CPED1: variants seen among roughly 807,000 people sequenced by gnomAD.
CPED1 encodes cadherin-like and PC-esterase domain-containing protein 1.
CPED1 carries 114 observed loss-of-function variants against 128.2 expected under a neutral mutation model. The ratio of observed to expected loss-of-function variants is 0.89; its 90% CI spans 0.76 to 1.04. The LOEUF (loss-of-function observed/expected upper bound fraction) is 1.04, where lower values mean the gene tolerates loss of function less well. Among genes scored for constraint, CPED1 ranks in the 50% least tolerant of loss-of-function variants. The pLI is 0.00. For synonymous variants in CPED1, 462 were observed against 426.7 expected (o/e 1.08, Z -1.02); for missense variants, 1,211 against 1,207.1 (o/e 1.00, Z -0.05).
At chr7:121,042,436 T>A (rs1247638265) in intron 3 of CPED1, among the ~76,000 whole-genome samples, 3 of 152,168 alleles carry the variant, frequency 2.0e-5, no homozygotes, top group Non-Finnish European at 4.4e-5. Flanking sequence ...GTCTGTTTCC[T>A]CACTTGTAAA....
chr7:121,284,914 C>T (rs1010711672), intron 22 of CPED1, among the ~76,000 whole-genome samples: 1 of 152,186 alleles, frequency 6.6e-6, no homozygotes, highest in Non-Finnish European at 1.5e-5. Flanking sequence ...CAGCTTCATT[C>T]AGCAGTGCCC....
chr7:121,055,069 A>G (rs1474986775), intron 4 of CPED1, among the ~76,000 whole-genome samples: 1 of 152,144 alleles, frequency 6.6e-6, no homozygotes, highest in African/African-American at 2.4e-5. Flanking sequence ...ATTCAATTTT[A>G]TGGATGTACC....
At chr7:121,056,945 A>G (rs1793512991) in intron 4 of CPED1, among the ~76,000 whole-genome samples, 1 of 151,672 alleles carries the variant, frequency 6.6e-6, no homozygotes, top group Non-Finnish European at 1.5e-5. Context: ...TCTTCTCGTT[A>G]TTTGAAATAT....
intron 14 of CPED1, among the ~76,000 whole-genome samples, chr7:121,139,870 TA>T (rs1326560132): frequency 6.6e-6 from 1 of 152,148 alleles, no homozygotes; most frequent in Admixed American, 6.6e-5. Context: ...CTGAACATTT[TA>T]TGTAAGGCAA....
chr7:121,046,820 G>T (rs951066177), intron 3 of CPED1, 67 bp from the exon 4 acceptor site: 4 of 995,128 alleles, frequency 4.0e-6, no homozygotes, highest in Non-Finnish European at 6.0e-6. Flanking sequence ...TTAATCTGAA[G>T]AATTAAATAT....
At position 121,142,128 on chromosome 7, in the gene CPED1, G is replaced by A; in HGVS notation, c.2042G>A (p.Cys681Tyr). The change falls in exon 16 of 23, where the codon TGT becomes TAT. Residue 681 changes from cysteine (C) to tyrosine (Y), a missense_variant. Cys to Tyr is a radical substitution (Grantham distance 194). Coordinates refer to ENST00000310396, the MANE Select transcript of CPED1 (RefSeq NM_024913.5). ...CCCTTGTTTGAGGCCTTCACAGCAT[G>A]TGGTTTTGTGCAGGTAAGTGAAGTT... ...SLPLFEAFTA[C>Y]GFVQDCGLLI... 1 of 1,610,394 alleles carries A rather than the reference G, an allele frequency of 6.2e-7. No individual in the cohort carries two copies. The highest frequency in any genetic ancestry group is 8.5e-7 in the Non-Finnish European group (1 of 1,177,462).
intron 3 of CPED1, among the ~76,000 whole-genome samples, chr7:121,021,579 A>G (rs1030717456): frequency 6.6e-6 from 1 of 152,026 alleles, no homozygotes; most frequent in Non-Finnish European, 1.5e-5. Flanking sequence ...CTTAACCACA[A>G]TAATAACTTT....
At chr7:121,076,168 G>A (rs1252222547) in intron 5 of CPED1, among the ~76,000 whole-genome samples, 1 of 152,178 alleles carries the variant, frequency 6.6e-6, no homozygotes, top group Non-Finnish European at 1.5e-5. Context: ...TTATCAGAGA[G>A]TTTTGGCAAT....
chr7:121,237,068 G>T (rs1798276468), intron 17 of CPED1, among the ~76,000 whole-genome samples: 1 of 152,068 alleles, frequency 6.6e-6, no homozygotes, highest in African/African-American at 2.4e-5. Context: ...CTGCAGATAT[G>T]TTACCCATGT....
intron 16 of CPED1, among the ~76,000 whole-genome samples, chr7:121,211,299 A>C (rs1584600496): frequency 6.6e-6 from 1 of 152,102 alleles, no homozygotes; most frequent in Non-Finnish European, 1.5e-5. Flanking sequence ...ATTAAAAGGA[A>C]CACCTGGGGC....
intron 6 of CPED1, 130 bp downstream of exon 6, chr7:121,097,961 C>T: frequency 1.1e-6 from 1 of 883,734 alleles, no homozygotes; most frequent in Non-Finnish European, 1.6e-6. Context: ...AAATTTTCAG[C>T]TATCCTTTTT....
chr7:121,114,387 A>G (rs1584521070), intron 7 of CPED1, among the ~76,000 whole-genome samples: 1 of 152,198 alleles, frequency 6.6e-6, no homozygotes, highest in African/African-American at 2.4e-5. Flanking sequence ...GCTACCTTCA[A>G]GTTTGTCCCT....
chr7:121,235,107 T>C (rs1233526811), intron 16 of CPED1, among the ~76,000 whole-genome samples: 2 of 152,058 alleles, frequency 1.3e-5, no homozygotes, highest in Non-Finnish European at 2.9e-5. Context: ...TAAAAATATT[T>C]TTGCAAAATG....
rs369587229 is a variant in CPED1 at position 121,109,527 on chromosome 7, A to G, written c.918+9433A>G. 3.3e-5 allele frequency among the ~76,000 whole-genome samples: 5 copies of G among 152,262 alleles called. 1 individual carries two copies. The highest frequency in any genetic ancestry group is 1.9e-4 in the East Asian group (1 of 5,186). ...ATATATATCCGTATTCATATGCACT[A>G]TGTTTCCCCTCTACATCAGCTTCTT... On this transcript the variant is annotated intron_variant, in intron 7 of 22. Transcript: ENST00000310396.
chr7:121,293,918 C>T (rs1347584625), intron 22 of CPED1, among the ~76,000 whole-genome samples: 3 of 152,046 alleles, frequency 2.0e-5, no homozygotes, highest in African/African-American at 7.2e-5. Flanking sequence ...GCCTTGTTCT[C>T]GCTGTGAGCT....
intron 7 of CPED1, 48 bp from the exon 8 acceptor site, chr7:121,124,283 A>G: frequency 6.5e-7 from 1 of 1,534,196 alleles, no homozygotes; most frequent in Non-Finnish European, 8.8e-7. Flanking sequence ...AATGATAGAC[A>G]AACTGAGGCT....
At chr7:121,217,651 A>G (rs536215100) in intron 16 of CPED1, among the ~76,000 whole-genome samples, 6 of 152,132 alleles carry the variant, frequency 3.9e-5, no homozygotes, top group African/African-American at 1.4e-4. Context: ...GACAGACTTG[A>G]TAGGGCATGA....
intron 3 of CPED1, among the ~76,000 whole-genome samples, chr7:121,018,154 A>G (rs913915833): frequency 7.2e-5 from 11 of 152,146 alleles, no homozygotes; most frequent in Non-Finnish European, 1.3e-4. Context: ...TTTAAAAAAG[A>G]GTTGTGACTA....
chr7:121,221,573 C>G (rs1386610297), intron 16 of CPED1, among the ~76,000 whole-genome samples: 1 of 152,230 alleles, frequency 6.6e-6, no homozygotes, highest in African/African-American at 2.4e-5. Flanking sequence ...AATTTACACT[C>G]CCACCAACAG....
Sources: gnomAD v4.1 joint callset for allele counts (sites outside exome capture counted in the v4.1 genomes callset) on GRCh38, gnomAD v4.1.1 for gene constraint, MANE v1.5 for transcripts, NCBI Gene and HGNC (gene_info 2026-07-23, HGNC 2026-07-21) for gene names.